DPY19L1: variants seen among roughly 807,000 people sequenced by gnomAD.
The protein encoded by DPY19L1 is protein C-mannosyl-transferase DPY19L1.
In DPY19L1, 35 loss-of-function variants were observed where a neutral mutation model predicts 96.9. That is an observed-to-expected ratio of 0.36 (90% CI 0.28 to 0.48). DPY19L1 has a LOEUF of 0.48. Among genes scored for constraint, DPY19L1 ranks in the 20% least tolerant of loss-of-function variants. The pLI, the probability that DPY19L1 is intolerant of heterozygous loss-of-function variation, is 0.99. For missense variants in DPY19L1, 521 were observed against 777.9 expected (o/e 0.67, Z 3.93); for synonymous variants, 205 against 252.6 (o/e 0.81, Z 1.79).
chr7:34,949,731 G>A, intron 14 of DPY19L1, 66 bp downstream of exon 14: 1 of 971,648 alleles, frequency 1.0e-6, no homozygotes, highest in Non-Finnish European at 1.6e-6. Context: ...GATATAAGAG[G>A]AGCACTCCTT....
chr7:34,998,270 G>C (rs1785338737), intron 6 of DPY19L1, among the ~76,000 whole-genome samples: 1 of 152,204 alleles, frequency 6.6e-6, no homozygotes, highest in Non-Finnish European at 1.5e-5. Context: ...CAGAAACAAT[G>C]AAGAACTGGG....
intron 10 of DPY19L1, among the ~76,000 whole-genome samples, chr7:34,959,546 G>A (rs1350775034): frequency 6.6e-6 from 1 of 152,096 alleles, no homozygotes; most frequent in Non-Finnish European, 1.5e-5. Context: ...AAAAAAGGAT[G>A]AGTTCATGTC....
At chr7:34,974,064 T>G (rs1468329637) in intron 7 of DPY19L1, among the ~76,000 whole-genome samples, 2 of 152,216 alleles carry the variant, frequency 1.3e-5, no homozygotes, top group East Asian at 1.9e-4. Context: ...AAAGGAATAT[T>G]CCATTTTTGG....
chr7:34,936,083 G>A (rs372137813), intron 21 of DPY19L1, among the ~76,000 whole-genome samples: 2 of 152,218 alleles, frequency 1.3e-5, no homozygotes, highest in East Asian at 3.9e-4. Context: ...GGCAAGTCAA[G>A]GTCCAGATGG....
upstream of DPY19L1, chr7:35,037,929 C>T (rs769460818): frequency 9.7e-5 from 119 of 1,231,488 alleles, no homozygotes; most frequent in Non-Finnish European, 1.1e-4. Flanking sequence ...GAAGAGCCCT[C>T]TCGGGATCGG....
intron 6 of DPY19L1, among the ~76,000 whole-genome samples, chr7:35,001,740 T>C (rs758977254): frequency 1.7e-4 from 26 of 152,312 alleles, no homozygotes; most frequent in African/African-American, 5.5e-4. Context: ...ACAGCTTTTT[T>C]TGGTCTTCTA....
At chr7:34,959,023 GA>G (rs200965696) in intron 10 of DPY19L1, among the ~76,000 whole-genome samples, 42 of 148,596 alleles carry the variant, frequency 2.8e-4, no homozygotes, top group African/African-American at 5.0e-4. Context: ...AAATTTACAA[GA>G]AAAAAAAAAC....
At chr7:35,024,007 T>G (rs1340110396) in intron 1 of DPY19L1, among the ~76,000 whole-genome samples, 1 of 151,768 alleles carries the variant, frequency 6.6e-6, no homozygotes, top group Non-Finnish European at 1.5e-5. Context: ...GGCTAATTTT[T>G]TGTATTTTTT....
At chr7:34,939,614 T>C (rs1783952562) in intron 19 of DPY19L1, among the ~76,000 whole-genome samples, 1 of 152,194 alleles carries the variant, frequency 6.6e-6, no homozygotes, top group Non-Finnish European at 1.5e-5. Context: ...TCATTAAAGA[T>C]TTCTTTCTTT....
At chr7:35,020,580 T>C (rs956996510) in intron 1 of DPY19L1, among the ~76,000 whole-genome samples, 7 of 152,254 alleles carry the variant, frequency 4.6e-5, no homozygotes, top group African/African-American at 1.7e-4. Flanking sequence ...TTTTTTATTA[T>C]ACATTATTGG....
intron 6 of DPY19L1, among the ~76,000 whole-genome samples, chr7:35,009,666 C>A (rs193040924): frequency 3.0e-4 from 46 of 152,206 alleles, no homozygotes. Flanking sequence ...CCATCTACAG[C>A]CATTGACATT....
At chr7:35,036,923 T>C (rs1786419016) in intron 1 of DPY19L1, among the ~76,000 whole-genome samples, 174 bp downstream of exon 1, 3 of 147,834 alleles carry the variant, frequency 2.0e-5, no homozygotes, top group South Asian at 2.1e-4. Flanking sequence ...GAGGAGAAGG[T>C]AAGAATGTCC....
At chr7:34,989,996 A>G in intron 6 of DPY19L1, 55 bp from the exon 7 acceptor site, 1 of 1,405,862 alleles carries the variant, frequency 7.1e-7, no homozygotes, top group Non-Finnish European at 9.9e-7. Flanking sequence ...AATCCTAAGA[A>G]AAACCTTAAA....
intron 1 of DPY19L1, 34 bp from the exon 2 acceptor site, chr7:35,018,630 A>G (rs764065440): frequency 6.3e-7 from 1 of 1,582,860 alleles, no homozygotes; most frequent in East Asian, 2.2e-5. Context: ...TTAGAATTTT[A>G]GCATAAACAT....
chr7:35,002,038 A>G (rs1785437836), intron 6 of DPY19L1, among the ~76,000 whole-genome samples: 1 of 151,670 alleles, frequency 6.6e-6, no homozygotes, highest in Non-Finnish European at 1.5e-5. Context: ...AGCAAGAAAA[A>G]ATTGCTTGAA....
intron 7 of DPY19L1, among the ~76,000 whole-genome samples, chr7:34,977,023 A>C (rs1288757077): frequency 6.6e-6 from 1 of 152,102 alleles, no homozygotes; most frequent in Non-Finnish European, 1.5e-5. Flanking sequence ...TCCTGACCTC[A>C]GGTGATCCGC....
At chr7:35,010,441 T>C (rs749687496) in intron 6 of DPY19L1, 27 bp downstream of exon 6, 11 of 1,324,198 alleles carry the variant, frequency 8.3e-6, no homozygotes, top group Non-Finnish European at 9.6e-6. Context: ...TAGTATATCT[T>C]ATAAACACAT....
intron 1 of DPY19L1, among the ~76,000 whole-genome samples, chr7:35,029,656 T>C (rs1435459821): frequency 6.6e-6 from 1 of 152,094 alleles, no homozygotes; most frequent in South Asian, 2.1e-4. Context: ...CACAAAAAAA[T>C]TCAATTAAAT....
At chr7:34,940,364 T>C in intron 18 of DPY19L1, 37 bp from the exon 19 acceptor site, 13 of 1,561,454 alleles carry the variant, frequency 8.3e-6, no homozygotes, top group Non-Finnish European at 1.0e-5. Context: ...TAATTGTTAG[T>C]ATAAGTAGTA....
Sources: gnomAD v4.1 joint callset for allele counts (sites outside exome capture counted in the v4.1 genomes callset) on GRCh38, gnomAD v4.1.1 for gene constraint, MANE v1.5 for transcripts, NCBI Gene and HGNC (gene_info 2026-07-23, HGNC 2026-07-21) for gene names.